Variants in TFDP2 observed in about 807,000 individuals in gnomAD.
TFDP2 encodes the protein transcription factor Dp-2 (E2F dimerization partner 2).
TFDP2 carries 17 observed loss-of-function variants against 59.3 expected under a neutral mutation model. The ratio of observed to expected loss-of-function variants is 0.29; its 90% confidence interval spans 0.20 to 0.43. TFDP2 has a LOEUF of 0.43. Among genes scored for constraint, TFDP2 ranks in the 20% least tolerant of loss-of-function variants. The pLI is 1.00. For synonymous variants in TFDP2, 180 were observed against 194.7 expected (o/e 0.92, Z 0.63); for missense variants, 391 against 528.8 (o/e 0.74, Z 2.56).
Position 142,027,054 on chromosome 3 carries a change from T to C in TFDP2, c.83-21510A>G, listed in dbSNP as rs1946145992. On this transcript the variant is annotated intron_variant, in intron 3 of 12. Coordinates refer to ENST00000489671, the MANE Select transcript of TFDP2 (RefSeq NM_001178139.2). ...TATTTTCATTTTGAGATTTTGTACC[T>C]ACTGTCTAGTGATAAACTTTTGCAA... Among the ~76,000 whole-genome samples, 2 of 136,120 alleles carry C rather than the reference T, an allele frequency of 1.5e-5. 1 individual carries two copies. Among genetic ancestry groups the C allele is most frequent in the African/African-American group, 5.7e-5 (2 of 34,964 alleles). The allele number at this position is 136,120 out of a possible 152,430, so 89.3% of individuals were successfully genotyped here. A position where few individuals can be genotyped will look rare whatever the true frequency, so the allele number is the denominator to read the frequency against.
At chr3:142,050,005 A>C (rs1947529264) in intron 3 of TFDP2, among the ~76,000 whole-genome samples, 1 of 152,036 alleles carries the variant, frequency 6.6e-6, no homozygotes, top group African/African-American at 2.4e-5. Flanking sequence ...GTGGTGGCTC[A>C]CACCTGTAAT....
intron 3 of TFDP2, among the ~76,000 whole-genome samples, chr3:142,073,290 T>C (rs1025640012): frequency 6.6e-6 from 1 of 151,978 alleles, no homozygotes; most frequent in African/African-American, 2.4e-5. Context: ...CCAATCTGAG[T>C]TTTGTACGCT....
At position 141,983,860 on chromosome 3, in the gene TFDP2, TG is replaced by T. The variant is rs1941763263; in HGVS notation, c.357-5179del. Among the ~76,000 whole-genome samples, 5 of 152,008 alleles carry T rather than the reference TG, an allele frequency of 3.3e-5. No homozygotes were observed. In the South Asian group the frequency reaches 1.0e-3, roughly 32 times the overall value. ...AACTGCACCCATTATGCACTGCTGGTGGAAATATAAAATGATACAGCCACTG... is the reference window on the plus strand; with the variant it reads ...AACTGCACCCATTATGCACTGCTGGTGAAATATAAAATGATACAGCCACTG... On this transcript the variant is annotated intron_variant, in intron 6 of 12. Transcript: ENST00000489671.
chr3:142,112,287 A>G (rs961796867), intron 1 of TFDP2, among the ~76,000 whole-genome samples: 1 of 152,190 alleles, frequency 6.6e-6, no homozygotes, highest in African/African-American at 2.4e-5. Context: ...GTTTCTATTC[A>G]CTATCTATTT....
intron 1 of TFDP2, among the ~76,000 whole-genome samples, chr3:142,136,722 G>C (rs761560134): frequency 5.3e-5 from 8 of 151,582 alleles, no homozygotes; most frequent in African/African-American, 1.9e-4. Context: ...TCAAAGATCA[G>C]ATGGTTGTAA....
chr3:142,089,042 T>C (rs1576951995), intron 3 of TFDP2, among the ~76,000 whole-genome samples: 1 of 152,074 alleles, frequency 6.6e-6, no homozygotes, highest in East Asian at 1.9e-4. Flanking sequence ...TTGGTAAGGC[T>C]GGTCTCAAAC....
Position 142,021,539 on chromosome 3 carries a change from T to C in TFDP2, c.83-15995A>G, listed in dbSNP as rs191327766. Reference sequence around the variant, plus strand: ...ATCTTATATGTCAGTCTTTCCTACATACTTTCCCTAGAAGATCAAACCTGT... The same window carrying C: ...ATCTTATATGTCAGTCTTTCCTACACACTTTCCCTAGAAGATCAAACCTGT... On this transcript the variant is annotated intron_variant, in intron 3 of 12. Coordinates refer to ENST00000489671, the MANE Select transcript of TFDP2 (RefSeq NM_001178139.2). 1.1e-3 allele frequency among the ~76,000 whole-genome samples: 172 copies of C among 152,348 alleles called. 1 individual carries two copies. The highest frequency in any genetic ancestry group is 2.4e-4 in the Non-Finnish European group (16 of 68,036).
At chr3:142,023,122 CAAA>C (rs765096570) in intron 3 of TFDP2, among the ~76,000 whole-genome samples, 9,680 of 59,554 alleles carry the variant, frequency 0.16, 425 homozygotes, top group Middle Eastern at 0.23. Flanking sequence ...CCCTCCGTCT[CAAA>C]AAAAAAAAAA....
chr3:142,143,277 A>G (rs2063030090), intron 1 of TFDP2, among the ~76,000 whole-genome samples: 1 of 152,170 alleles, frequency 6.6e-6, no homozygotes, highest in Non-Finnish European at 1.5e-5. Context: ...ACTTAAATCT[A>G]AGACCTTAAA....
intron 4 of TFDP2, among the ~76,000 whole-genome samples, chr3:142,000,809 A>G (rs138571548): frequency 6.6e-6 from 1 of 152,236 alleles, no homozygotes; most frequent in African/African-American, 2.4e-5. Context: ...GGTCCCAACC[A>G]ATACAAAACC....
At chr3:141,962,938 C>A (rs1937531128) in intron 10 of TFDP2, among the ~76,000 whole-genome samples, 1 of 152,144 alleles carries the variant, frequency 6.6e-6, no homozygotes. Flanking sequence ...CCTTTTGTAA[C>A]AGCAGCTAAC....
chr3:142,054,571 T>G (rs1413444613), intron 3 of TFDP2, among the ~76,000 whole-genome samples: 1 of 152,182 alleles, frequency 6.6e-6, no homozygotes, highest in African/African-American at 2.4e-5. Flanking sequence ...CACTTCATAA[T>G]ATTAACACCT....
chr3:142,014,619 C>G (rs564260678), intron 3 of TFDP2, among the ~76,000 whole-genome samples: 1 of 151,952 alleles, frequency 6.6e-6, no homozygotes, highest in Admixed American at 6.6e-5. Context: ...TAGATTACAC[C>G]ATCTTCTTGC....
chr3:142,145,738 A>AATAT (rs1220245945), intron 1 of TFDP2, among the ~76,000 whole-genome samples: 2 of 151,808 alleles, frequency 1.3e-5, no homozygotes, highest in African/African-American at 4.8e-5. Flanking sequence ...TAAATAAATA[A>AATAT]TCCTTTTCCG....
intron 3 of TFDP2, among the ~76,000 whole-genome samples, chr3:142,023,906 T>A (rs1945868065): frequency 6.6e-6 from 1 of 152,156 alleles, no homozygotes; most frequent in South Asian, 2.1e-4. Flanking sequence ...GCTCAAGGGA[T>A]CCTCCCACCT....
intron 2 of TFDP2, among the ~76,000 whole-genome samples, chr3:142,096,110 C>T (rs1418874283): frequency 6.6e-6 from 1 of 152,072 alleles, no homozygotes; most frequent in East Asian, 1.9e-4. Flanking sequence ...CAGCTGTACA[C>T]CTGCATCTTA....
chr3:142,044,940 T>G (rs1947254430), intron 3 of TFDP2, among the ~76,000 whole-genome samples: 1 of 152,186 alleles, frequency 6.6e-6, no homozygotes, highest in Admixed American at 6.5e-5. Flanking sequence ...AATATATATT[T>G]AGTTATTATT....
At chr3:141,967,216 C>T (rs1407617360) in intron 9 of TFDP2, among the ~76,000 whole-genome samples, 4 of 151,286 alleles carry the variant, frequency 2.6e-5, no homozygotes, top group Non-Finnish European at 5.9e-5. Context: ...TGCCTGGCTG[C>T]TTAATTTACT....
At position 142,121,738 on chromosome 3, in the gene TFDP2, C is replaced by T. The variant is rs2062053990; in HGVS notation, c.-92-19897G>A. Among the ~76,000 whole-genome samples the T allele has an allele frequency of 6.6e-6, 1 of 152,072 alleles. No homozygotes were observed. Among genetic ancestry groups the T allele is most frequent in the Non-Finnish European group, 1.5e-5 (1 of 68,010 alleles). On this transcript the variant is annotated intron_variant, in intron 1 of 12. Coordinates refer to ENST00000489671, the MANE Select transcript of TFDP2 (RefSeq NM_001178139.2). This position sits in a 1 kb window ranked among gnomAD's most constrained non-coding sequence, Gnocchi z 4.3. ...TATGAAGTTTAAAAAAGGCTCACACCTGTAATCCCAGCACTTCTGGGATGC... is the reference window on the plus strand; with the variant it reads ...TATGAAGTTTAAAAAAGGCTCACACTTGTAATCCCAGCACTTCTGGGATGC...
Sources: gnomAD v4.1 joint callset for allele counts (sites outside exome capture counted in the v4.1 genomes callset) on GRCh38, gnomAD v4.1.1 for gene constraint, Gnocchi (gnomAD v3.1) non-coding constraint, MANE v1.5 for transcripts, NCBI Gene and HGNC (gene_info 2026-07-23, HGNC 2026-07-21) for gene names.